SLC8A1: variants seen among roughly 807,000 people sequenced by gnomAD.
SLC8A1 encodes the protein solute carrier family 8 member A1, also known as sodium/calcium exchanger 1.
Under a neutral mutation model 68.3 loss-of-function variants are expected in SLC8A1, and 18 were observed. That is an observed-to-expected ratio of 0.26 (90% CI 0.18 to 0.39). The LOEUF is 0.39. SLC8A1 is among the 10% of genes least tolerant of loss of function. SLC8A1 has a pLI of 1.00. For synonymous variants in SLC8A1, 475 were observed against 415.5 expected, an observed-to-expected ratio of 1.14 and a Z score of -1.74; for missense variants, 985 against 1,156.7, an observed-to-expected ratio of 0.85 and a Z score of 2.15.
At chr2:40,501,463 T>C (rs1706054476) in intron 1 of SLC8A1, among the ~76,000 whole-genome samples, 1 of 152,134 alleles carries the variant, frequency 6.6e-6, no homozygotes, top group Non-Finnish European at 1.5e-5. Flanking sequence ...GTTTCATTTA[T>C]CTCCCTTATT....
chr2:40,207,999 AC>A (rs1480348032), intron 2 of SLC8A1, among the ~76,000 whole-genome samples: 4 of 152,156 alleles, frequency 2.6e-5, no homozygotes, highest in Non-Finnish European at 5.9e-5. Flanking sequence ...CTTCACAGCC[AC>A]AGCACTGCAA....
intron 2 of SLC8A1, among the ~76,000 whole-genome samples, chr2:40,269,806 A>G (rs1300327422): frequency 6.6e-6 from 1 of 151,082 alleles, no homozygotes; most frequent in Admixed American, 6.6e-5. Context: ...CTATTTTATT[A>G]TTATTATACT....
At chr2:40,277,368 C>T (rs761436617) in intron 2 of SLC8A1, among the ~76,000 whole-genome samples, 13 of 152,100 alleles carry the variant, frequency 8.5e-5, no homozygotes, top group African/African-American at 1.7e-4. Context: ...GGTGAAAAAC[C>T]GTCTCCACTA....
At chr2:40,149,984 G>A (rs13385233) in intron 6 of SLC8A1, among the ~76,000 whole-genome samples, 41,284 of 148,430 alleles carry the variant, frequency 0.28, 6,017 homozygotes, top group East Asian at 0.62. Context: ...GGAGCCTTGG[G>A]TTCTAAAACA....
rs114605395 is a variant in SLC8A1, at chr2:40,241,465, C to T, written c.1809-63610G>A. On this transcript the variant is annotated intron_variant, in intron 2 of 7. Transcript: ENST00000406785. ...AATAAACCCGCACATGTACCCCCTC[C>T]GTCAAAAATAAAAGTTGAAATTTAA... is the stretch of plus-strand genomic sequence containing the variant. Among the ~76,000 whole-genome samples the T allele has an allele frequency of 2.6e-3, 403 of 152,254 alleles. 2 individuals carry two copies. The highest frequency in any genetic ancestry group is 9.0e-3 in the African/African-American group (375 of 41,536).
intron 4 of SLC8A1, among the ~76,000 whole-genome samples, chr2:40,171,313 A>G (rs1215078445): frequency 6.6e-6 from 1 of 152,206 alleles, no homozygotes; most frequent in Non-Finnish European, 1.5e-5. Context: ...TATTAAGTCT[A>G]TTATGTGCTG....
At chr2:40,221,833 C>T (rs1171307528) in intron 2 of SLC8A1, among the ~76,000 whole-genome samples, 1 of 152,130 alleles carries the variant, frequency 6.6e-6, no homozygotes, top group African/African-American at 2.4e-5. Flanking sequence ...TGAAGGACCT[C>T]TTCAAGGAGA....
At chr2:40,131,811 T>C (rs1251866181) in intron 7 of SLC8A1, among the ~76,000 whole-genome samples, 1 of 151,284 alleles carries the variant, frequency 6.6e-6, no homozygotes, top group Non-Finnish European at 1.5e-5. Flanking sequence ...GTGTTCAGAT[T>C]CATTAGTGGC....
At chr2:40,232,287 G>T (rs2059752535) in intron 2 of SLC8A1, among the ~76,000 whole-genome samples, 1 of 152,086 alleles carries the variant, frequency 6.6e-6, no homozygotes, top group African/African-American at 2.4e-5. Context: ...AAGAAATCAG[G>T]GGCATACAGG....
At chr2:40,120,361 A>G (rs1157801815) in intron 7 of SLC8A1, among the ~76,000 whole-genome samples, 1 of 152,320 alleles carries the variant, frequency 6.6e-6, no homozygotes, top group East Asian at 1.9e-4. Context: ...TGACAATGAA[A>G]GAGGCAGCCA....
intron 7 of SLC8A1, among the ~76,000 whole-genome samples, chr2:40,119,894 A>G (rs2036389504): frequency 6.6e-6 from 1 of 152,204 alleles, no homozygotes; most frequent in Admixed American, 6.5e-5. Flanking sequence ...AGGAGACAGC[A>G]TGGCTGGAAT....
chr2:40,280,596 A>G (rs2067367969), intron 2 of SLC8A1, among the ~76,000 whole-genome samples: 1 of 152,226 alleles, frequency 6.6e-6, no homozygotes, highest in African/African-American at 2.4e-5. Flanking sequence ...AGTGACATTC[A>G]GGCACTGGGA....
chr2:40,140,008 C>T (rs1324882470), intron 6 of SLC8A1, among the ~76,000 whole-genome samples: 2 of 152,150 alleles, frequency 1.3e-5, no homozygotes, highest in African/African-American at 4.8e-5. Context: ...TTCCAAAAGG[C>T]TGGCAAGCCC....
At position 40,194,506 on chromosome 2, in the gene SLC8A1, T is replaced by TGTGTGTGTGCGC. The variant is rs963279052; in HGVS notation, c.1809-16652_1809-16651insGCGCACACACAC. On this transcript the variant is annotated intron_variant, in intron 2 of 7. Coordinates refer to ENST00000406785, the Ensembl canonical transcript of SLC8A1. ...GTGTGTGTGTGTGTGTGTGTGTGTG[T>TGTGTGTGTGCGC]GCGCGCGCAAAGAAAACGAGAGGGA... Among the ~76,000 whole-genome samples, 248 of 131,924 alleles carry TGTGTGTGTGCGC rather than the reference T, an allele frequency of 1.9e-3. 1 individual carries two copies. Among genetic ancestry groups the TGTGTGTGTGCGC allele is most frequent in the African/African-American group, 5.8e-3 (216 of 37,130 alleles). 86.5% of individuals were successfully genotyped at this position (131,924 alleles called of 152,430 possible). A position where few individuals can be genotyped will look rare whatever the true frequency, so the allele number is the denominator to read the frequency against.
At chr2:40,307,144 T>TACACACACACAC (rs753955915) in intron 2 of SLC8A1, among the ~76,000 whole-genome samples, 1,523 of 101,124 alleles carry the variant, frequency 0.015, 24 homozygotes, top group African/African-American at 0.061. Flanking sequence ...GAAAATGTGA[T>TACACACACACAC]ATACACACAC....
intron 2 of SLC8A1, among the ~76,000 whole-genome samples, chr2:40,425,122 G>T (rs934220414): frequency 6.6e-6 from 1 of 151,722 alleles, no homozygotes; most frequent in Non-Finnish European, 1.5e-5. Context: ...GTCATTGATT[G>T]AGTTTATAAA....
At chr2:40,178,676 C>T (rs184869737) in intron 2 of SLC8A1, among the ~76,000 whole-genome samples, 183 bp from the exon 3 acceptor site, 1 of 152,306 alleles carries the variant, frequency 6.6e-6, no homozygotes, top group East Asian at 1.9e-4. Flanking sequence ...TCAGAGATTT[C>T]ACCCAATGCA....
At chr2:40,511,826 C>T (rs1706746087) in intron 1 of SLC8A1, among the ~76,000 whole-genome samples, 1 of 152,082 alleles carries the variant, frequency 6.6e-6, no homozygotes, top group Non-Finnish European at 1.5e-5. Flanking sequence ...TGTAATCAAC[C>T]TCCGAACTGC....
In SLC8A1 at chr2:40,422,056, A is replaced by T. The variant is rs938053192; in HGVS notation, c.1808+6417T>A. On this transcript the variant is annotated intron_variant, in intron 2 of 7. Transcript: ENST00000406785. The stretch of plus-strand genomic sequence containing the variant: ...ACAGCAGCTTGAGTCCTGCCTGCCC[A>T]CTCAGCACCTTCCACTGGGACCCTC... 2.0e-5 allele frequency among the ~76,000 whole-genome samples: 3 copies of T among 151,814 alleles called. No individual in the cohort carries two copies. In the Admixed American group the frequency reaches 2.0e-4, roughly 10 times the overall value.
Sources: allele counts gnomAD v4.1 joint callset (sites outside exome capture counted in the v4.1 genomes callset), GRCh38; gene constraint gnomAD v4.1.1; transcripts MANE v1.5; gene names NCBI Gene and HGNC (gene_info 2026-07-23, HGNC 2026-07-21).